GAL3ST2: variants seen among roughly 807,000 people sequenced by gnomAD.
GAL3ST2 encodes the protein galactose-3-O-sulfotransferase 2.
GAL3ST2 carries 16 observed loss-of-function variants against 12.9 expected under a neutral mutation model. The ratio of observed to expected loss-of-function variants is 1.24; its 90% confidence interval spans 0.84 to 1.88. The LOEUF (loss-of-function observed/expected upper bound fraction) is 1.88, where lower values mean the gene tolerates loss of function less well. GAL3ST2 is among the 40% of genes most tolerant of loss of function. The pLI is 0.00. For synonymous variants in GAL3ST2, 302 were observed against 273.9 expected (o/e 1.10, Z -1.01); for missense variants, 639 against 571.8 (o/e 1.12, Z -1.20).
chr2:241,801,666 T>G lies in GAL3ST2; in HGVS notation c.120-115T>G, dbSNP rs1575368416. 7.4e-7 allele frequency: 1 copy of G among 1,353,478 alleles called. No individual in the cohort carries two copies. Among genetic ancestry groups the G allele is most frequent in the Non-Finnish European group, 9.7e-7 (1 of 1,028,248 alleles). 83.8% of individuals were successfully genotyped at this position (1,353,478 alleles called of 1,614,324 possible). ...CCCAGTTGGCCCCCTGGCCTAGAGT[T>G]GGGGGGCTCAGGTTGGGAGGTCTCT... On this transcript the variant is annotated intron_variant, in intron 2 of 3. Transcript: ENST00000192314. This position sits in a 1 kb window ranked among gnomAD's most constrained non-coding sequence, Gnocchi z 4.4.
rs975668497 is a variant in GAL3ST2, at chr2:241,796,718, C to T, written c.30-2347C>T. The stretch of plus-strand genomic sequence containing the variant: ...ACAGAGCAGGGCCATCGGCTGGGGT[C>T]GGGGGAGACAGAGTGGTCCTGACCA... On this transcript the variant is annotated intron_variant, in intron 1 of 3. Coordinates refer to ENST00000192314, the MANE Select transcript of GAL3ST2 (RefSeq NM_022134.3). Among the ~76,000 whole-genome samples the T allele has an allele frequency of 2.0e-5, 3 of 152,106 alleles. No homozygotes were observed. The East Asian group carries it at 5.8e-4, about 29-fold the overall frequency.
chr2:241,779,213 C>CTTT (rs1559411538), intron 1 of GAL3ST2, among the ~76,000 whole-genome samples: 4 of 97,146 alleles, frequency 4.1e-5, no homozygotes, highest in African/African-American at 1.7e-4. Context: ...TAGGAAAGCT[C>CTTT]ATTTTTTTTT....
chr2:241,793,537 GTA>G lies in GAL3ST2; in HGVS notation c.30-5526_30-5525del, dbSNP rs1455077916. Among the ~76,000 whole-genome samples the G allele has an allele frequency of 1.1e-5, 1 of 87,958 alleles. No homozygotes were observed. The highest frequency in any genetic ancestry group is 2.1e-5 in the Non-Finnish European group (1 of 46,726). The allele number at this position is 87,958 out of a possible 152,430, so 57.7% of individuals were successfully genotyped here. On this transcript the variant is annotated intron_variant, in intron 1 of 3. Transcript: ENST00000192314. The surrounding 1 kb of genome is among the most constrained non-coding windows in gnomAD (Gnocchi z 4.7). ...ATGTATGTGTGTATTGTGTTTATAT[GTA>G]TGTGTGTATATGTATGTATGTGTAT...
intron 1 of GAL3ST2, among the ~76,000 whole-genome samples, chr2:241,783,524 A>G (rs78008916): frequency 0.063 from 9,639 of 151,844 alleles, 338 homozygotes; most frequent in Middle Eastern, 0.095. Context: ...TTAAAAGGAT[A>G]CCATTTTTTT....
chr2:241,799,169 C>G lies in GAL3ST2; in HGVS notation c.119+15C>G, dbSNP rs763485218. ...CTGGACACACCGTAAGTCCTGCCCC[C>G]ACCATAAGTCCTGCCCCGGGTACCT... On this transcript the variant is annotated intron_variant, in intron 2 of 3. Coordinates refer to ENST00000192314, the MANE Select transcript of GAL3ST2 (RefSeq NM_022134.3). 6.2e-7 allele frequency: 1 copy of G among 1,610,210 alleles called. No individual in the cohort carries two copies. The highest frequency in any genetic ancestry group is 8.5e-7 in the Non-Finnish European group (1 of 1,176,904).
At chr2:241,782,096 A>G (rs1016901759) in intron 1 of GAL3ST2, among the ~76,000 whole-genome samples, 1 of 152,176 alleles carries the variant, frequency 6.6e-6, no homozygotes, top group African/African-American at 2.4e-5. Flanking sequence ...AAGCCTTTGT[A>G]ACTTTTATTT....
chr2:241,777,970 C>T (rs953156494), intron 1 of GAL3ST2, among the ~76,000 whole-genome samples: 4 of 152,176 alleles, frequency 2.6e-5, no homozygotes, highest in Non-Finnish European at 5.9e-5. Flanking sequence ...CGAAGGCCCT[C>T]GGGGAGCCCA....
chr2:241,787,070 A>G (rs991494520), intron 1 of GAL3ST2, among the ~76,000 whole-genome samples: 1 of 152,192 alleles, frequency 6.6e-6, no homozygotes, highest in Non-Finnish European at 1.5e-5. Context: ...TTTGTCTCTT[A>G]TCTACCTATG....
chr2:241,799,297 G>C, intron 2 of GAL3ST2, 143 bp downstream of exon 2: 3 of 779,098 alleles, frequency 3.9e-6, no homozygotes, highest in Non-Finnish European at 6.5e-6. Context: ...CCTTCCTTGG[G>C]GGGACCCTGA....
chr2:241,787,511 A>C (rs1206612189), intron 1 of GAL3ST2, among the ~76,000 whole-genome samples: 2 of 150,382 alleles, frequency 1.3e-5, no homozygotes, highest in Non-Finnish European at 2.9e-5. Context: ...TCAAGATATA[A>C]AGTTTATTTT....
intron 1 of GAL3ST2, among the ~76,000 whole-genome samples, chr2:241,798,349 G>A (rs564660755): frequency 1.3e-5 from 2 of 152,320 alleles, no homozygotes; most frequent in South Asian, 4.1e-4. Context: ...GCTTCTCACC[G>A]TTCTGGAGGC....
At chr2:241,786,977 C>T (rs2125191270) in intron 1 of GAL3ST2, among the ~76,000 whole-genome samples, 1 of 152,292 alleles carries the variant, frequency 6.6e-6, no homozygotes, top group Non-Finnish European at 1.5e-5. Flanking sequence ...CTCACTGAGA[C>T]AAATGCATAT....
chr2:241,793,846 G>A lies in GAL3ST2; in HGVS notation c.30-5219G>A, dbSNP rs1442634885. On this transcript the variant is annotated intron_variant, in intron 1 of 3. Transcript: ENST00000192314. This position sits in a 1 kb window ranked among gnomAD's most constrained non-coding sequence, Gnocchi z 4.7. ...TAATCCTGGAGTGTAAAAAACCATC[G>A]CCATAAGAATTTGCATGAGTCTTCC... 1.3e-5 allele frequency among the ~76,000 whole-genome samples: 2 copies of A among 152,016 alleles called. No homozygotes were observed. Among genetic ancestry groups the A allele is most frequent in the Non-Finnish European group, 2.9e-5 (2 of 67,992 alleles).
Position 241,795,513 on chromosome 2 carries a change from G to A in GAL3ST2, c.30-3552G>A, listed in dbSNP as rs1226797106. Among the ~76,000 whole-genome samples the A allele has an allele frequency of 1.3e-5, 2 of 152,228 alleles. No individual in the cohort carries two copies. Among genetic ancestry groups the A allele is most frequent in the African/African-American group, 4.8e-5 (2 of 41,460 alleles). On this transcript the variant is annotated intron_variant, in intron 1 of 3. Coordinates refer to ENST00000192314, the MANE Select transcript of GAL3ST2 (RefSeq NM_022134.3). The surrounding 1 kb of genome is among the most constrained non-coding windows in gnomAD (Gnocchi z 4.5). The stretch of plus-strand genomic sequence containing the variant: ...GTTTGAGGAAGGAGTTGACTATGGC[G>A]GAACGAAGTGATGGCCAAGGGTGGT...
rs1559418006 is a variant in GAL3ST2, at chr2:241,800,278, G to A, written c.119+1124G>A. Among the ~76,000 whole-genome samples, 1 of 150,392 alleles carries A rather than the reference G, an allele frequency of 6.6e-6. No individual in the cohort carries two copies. Among genetic ancestry groups the A allele is most frequent in the Non-Finnish European group, 1.5e-5 (1 of 67,946 alleles). On this transcript the variant is annotated intron_variant, in intron 2 of 3. Coordinates refer to ENST00000192314, the MANE Select transcript of GAL3ST2 (RefSeq NM_022134.3). The surrounding 1 kb of genome is among the most constrained non-coding windows in gnomAD (Gnocchi z 5.2). The stretch of plus-strand genomic sequence containing the variant: ...GAGGACACTTTGTTTCTTAAAAAGT[G>A]TGGACATCCCACAGGCTGGGAGCAC...
chr2:241,783,188 A>G (rs1699586932), intron 1 of GAL3ST2, among the ~76,000 whole-genome samples: 1 of 151,338 alleles, frequency 6.6e-6, no homozygotes, highest in African/African-American at 2.4e-5. Context: ...TTTTTTTCCT[A>G]AGGAAACCAA....
At chr2:241,780,748 G>A (rs2125188883) in intron 1 of GAL3ST2, among the ~76,000 whole-genome samples, 1 of 152,314 alleles carries the variant, frequency 6.6e-6, no homozygotes, top group East Asian at 1.9e-4. Flanking sequence ...GCTGAGCCCA[G>A]CCACGAATTT....
rs1316621029 is a variant in GAL3ST2 at position 241,803,811 on chromosome 2, G to C, written c.842G>C (p.Arg281Pro). 3 of 1,494,576 alleles carry C rather than the reference G, an allele frequency of 2.0e-6. No individual in the cohort carries two copies. In the African/African-American group the frequency reaches 4.4e-5, roughly 22 times the overall value. 92.6% of individuals were successfully genotyped at this position (1,494,576 alleles called of 1,614,324 possible). A position where few individuals can be genotyped will look rare whatever the true frequency, so the allele number is the denominator to read the frequency against. Residue 281 changes from arginine to proline, a missense_variant, in exon 4 of 4, where the codon CGC becomes CCC. Coordinates refer to ENST00000192314, the MANE Select transcript of GAL3ST2 (RefSeq NM_022134.3). ...CGGAGCTGGTGCGCGCTGGACTGGC[G>C]CCTGTACGAGCATTTCAACCGCACC... ...RARSWCALDW[R>P]LYEHFNRTLW...
rs1051509480 is a variant in GAL3ST2 at position 241,804,174 on chromosome 2, G to A, written c.*8G>A. On this transcript the variant is annotated 3_prime_UTR_variant, in exon 4 of 4. Coordinates refer to ENST00000192314, the MANE Select transcript of GAL3ST2 (RefSeq NM_022134.3). ...CCGTTCCTGGGGGCGTAGAGGGGCCGGGCCGGGGACGAGGCCTCCTGCGGA... is the reference window on the plus strand; with the variant it reads ...CCGTTCCTGGGGGCGTAGAGGGGCCAGGCCGGGGACGAGGCCTCCTGCGGA... 1.5e-4 allele frequency: 219 copies of A among 1,417,902 alleles called. No homozygotes were observed. Among genetic ancestry groups the A allele is most frequent in the Non-Finnish European group, 2.0e-4 (212 of 1,080,200 alleles). 87.8% of individuals were successfully genotyped at this position (1,417,902 alleles called of 1,614,324 possible). A position where few individuals can be genotyped will look rare whatever the true frequency, so the allele number is the denominator to read the frequency against.
Sources: allele counts gnomAD v4.1 joint callset (sites outside exome capture counted in the v4.1 genomes callset), GRCh38; gene constraint gnomAD v4.1.1; non-coding constraint Gnocchi (gnomAD v3.1); transcripts MANE v1.5; gene names NCBI Gene and HGNC (gene_info 2026-07-23, HGNC 2026-07-21).